Variants in ZFR2 observed in about 807,000 individuals in gnomAD.
ZFR2 encodes the protein zinc finger RNA binding protein 2, also known as zinc finger RNA-binding protein 2.
A neutral mutation model predicts 105.7 loss-of-function variants in ZFR2; 104 were observed. The observed-to-expected ratio is 0.98, with a 90% CI of 0.84 to 1.16. The LOEUF (loss-of-function observed/expected upper bound fraction) is 1.16, where lower values mean the gene tolerates loss of function less well. Ranked by LOEUF, ZFR2 falls within the 50% of genes most tolerant of loss-of-function variation. The pLI, the probability that ZFR2 is intolerant of heterozygous loss-of-function variation, is 0.00. For synonymous variants in ZFR2, 634 were observed against 597.7 expected, an observed-to-expected ratio of 1.06 and a Z score of -0.89; for missense variants, 1,425 against 1,355.5, an observed-to-expected ratio of 1.05 and a Z score of -0.80.
At chr19:3,818,945 A>G (rs909096786) in intron 12 of ZFR2, 100 bp downstream of exon 12, 3 of 1,427,832 alleles carry the variant, frequency 2.1e-6, no homozygotes, top group Middle Eastern at 2.6e-4. Flanking sequence ...CGACGGCTCC[A>G]GGCCCATCAG....
intron 1 of ZFR2, among the ~76,000 whole-genome samples, chr19:3,844,013 T>TGG (rs778178853): frequency 0.09 from 3,082 of 34,304 alleles, 139 homozygotes; most frequent in South Asian, 0.2. Context: ...AAGTAGGATG[T>TGG]GGGGGGGGGG....
chr19:3,826,225 C>A (rs577418749), intron 6 of ZFR2, among the ~76,000 whole-genome samples: 4 of 152,246 alleles, frequency 2.6e-5, no homozygotes, highest in South Asian at 2.1e-4. Context: ...TGGGTTCACA[C>A]GGGCCCTCAG....
In ZFR2 at chr19:3,820,242, G is replaced by A. The variant is rs977125037; in HGVS notation, c.1680C>T (p.Pro560=). ...CCATGAGCAGAGGCTGGGCCCAGTC[G>A]GGCGGCGCGTGGGGCGGCACGTCCT... ...PPQDVPPHAP[P]DWAQPLLMGR... Residue 560 remains proline, a synonymous_variant, in exon 11 of 19, where the codon CCC becomes CCT. Coordinates refer to ENST00000262961, the MANE Select transcript of ZFR2 (RefSeq NM_015174.2). 28 of 1,549,518 alleles carry A rather than the reference G, an allele frequency of 1.8e-5. No individual in the cohort carries two copies. The African/African-American group carries it at 2.6e-4, about 14-fold the overall frequency.
At position 3,823,444 on chromosome 19, in the gene ZFR2, G is replaced by A; in HGVS notation, c.1214-41C>T. Reference sequence around the variant, plus strand: ...ATGTCACTTATACCCTGTTCCAGGAGAAAGCACTGCAGCTGCAGACCCGCC... The same window carrying A: ...ATGTCACTTATACCCTGTTCCAGGAAAAAGCACTGCAGCTGCAGACCCGCC... On this transcript the variant is annotated intron_variant, in intron 7 of 18. Coordinates refer to ENST00000262961, the MANE Select transcript of ZFR2 (RefSeq NM_015174.2). This position sits in a 1 kb window ranked among gnomAD's most constrained non-coding sequence, Gnocchi z 5.4. The A allele has an allele frequency of 1.3e-6, 2 of 1,540,916 alleles. No individual in the cohort carries two copies. Among genetic ancestry groups the A allele is most frequent in the Non-Finnish European group, 1.7e-6 (2 of 1,145,000 alleles).
chr19:3,861,235 G>C (rs2038370116), intron 1 of ZFR2, among the ~76,000 whole-genome samples: 2 of 152,140 alleles, frequency 1.3e-5, no homozygotes, highest in African/African-American at 4.8e-5. Flanking sequence ...AAAAAAACCT[G>C]CCCAAAGCAA....
At chr19:3,816,901 A>C in intron 12 of ZFR2, 56 bp from the exon 13 acceptor site, 1 of 1,478,890 alleles carries the variant, frequency 6.8e-7, no homozygotes, top group Non-Finnish European at 9.1e-7. Context: ...GGGGTACCCC[A>C]GCTGCCTCCC....
At chr19:3,833,126 G>A (rs1163936891) in intron 3 of ZFR2, among the ~76,000 whole-genome samples, 1 of 151,842 alleles carries the variant, frequency 6.6e-6, no homozygotes, top group Non-Finnish European at 1.5e-5. Context: ...GCGCGTGCCT[G>A]CAGTCCCAGC....
In ZFR2 at chr19:3,831,363, C is replaced by T; in HGVS notation, c.792G>A (p.Gly264=). The change falls in exon 5 of 19, where the codon GGG becomes GGA. Residue 264 remains glycine, a synonymous_variant. Coordinates refer to ENST00000262961, the MANE Select transcript of ZFR2 (RefSeq NM_015174.2). ...AGTAGTGAAGCTGGAGCTGCCTGGG[C>T]CCCGCCTTGGGTCTCGGCAGCTTGC... The part of the protein sequence containing the change: ...LPSKLPRPKA[G]PRQLQLHYCD... 2 of 1,556,862 alleles carry T rather than the reference C, an allele frequency of 1.3e-6. No individual in the cohort carries two copies. The highest frequency in any genetic ancestry group is 1.7e-6 in the Non-Finnish European group (2 of 1,152,394).
rs900868933 is a variant in ZFR2 at position 3,829,482 on chromosome 19, TTTG to T, written c.852+1818_852+1820del. Among the ~76,000 whole-genome samples the T allele has an allele frequency of 5.1e-4, 77 of 149,662 alleles. 1 individual carries two copies. The highest frequency in any genetic ancestry group is 6.5e-4 in the Non-Finnish European group (44 of 67,470). On this transcript the variant is annotated intron_variant, in intron 5 of 18. Coordinates refer to ENST00000262961, the MANE Select transcript of ZFR2 (RefSeq NM_015174.2). ...TGTGTGTGTGTGTGTGTGTGTGTGT[TTTG>T]TTGTTGTTGTTGTTGTTGGTTTTTG...
chr19:3,860,536 G>A (rs1277606290), intron 1 of ZFR2, among the ~76,000 whole-genome samples: 1 of 152,176 alleles, frequency 6.6e-6, no homozygotes, highest in Non-Finnish European at 1.5e-5. Context: ...AGGTTATGCG[G>A]CAGTGGGACT....
chr19:3,809,414 G>A (rs757590599), intron 16 of ZFR2, among the ~76,000 whole-genome samples: 2 of 152,132 alleles, frequency 1.3e-5, no homozygotes, highest in Non-Finnish European at 2.9e-5. Flanking sequence ...CAGCTGAGGG[G>A]AAGGAGCCAC....
rs1041333793 is a variant in ZFR2, at chr19:3,820,063, C to A, written c.1740+119G>T. ...GAGTGAGGAGGCCTGGGCCATGGAG[C>A]CCCATCCCCTGAGTACTATGTGGGA... On this transcript the variant is annotated intron_variant, in intron 11 of 18. Coordinates refer to ENST00000262961, the MANE Select transcript of ZFR2 (RefSeq NM_015174.2). The A allele has an allele frequency of 3.1e-5, 31 of 989,020 alleles. No individual in the cohort carries two copies. The East Asian group carries it at 7.4e-4, about 23-fold the overall frequency. 61.3% of individuals were successfully genotyped at this position (989,020 alleles called of 1,614,324 possible).
intron 1 of ZFR2, among the ~76,000 whole-genome samples, chr19:3,841,542 C>T (rs1008523171): frequency 2.6e-5 from 4 of 151,884 alleles, no homozygotes; most frequent in African/African-American, 9.7e-5. Context: ...AAAAAATTAG[C>T]CGGGTGTGGT....
At position 3,823,640 on chromosome 19, in the gene ZFR2, G is replaced by T. The variant is rs2037919087; in HGVS notation, c.1214-237C>A. Among the ~76,000 whole-genome samples, 1 of 152,278 alleles carries T rather than the reference G, an allele frequency of 6.6e-6. No individual in the cohort carries two copies. Among genetic ancestry groups the T allele is most frequent in the East Asian group, 1.9e-4 (1 of 5,172 alleles). ...TCAATCCATCCGGGGAGAAGCCCTG[G>T]TTTTAGGCCCTCGCTTGAGGAACCC... On this transcript the variant is annotated intron_variant, in intron 7 of 18. Transcript: ENST00000262961. The surrounding 1 kb of genome is among the most constrained non-coding windows in gnomAD (Gnocchi z 5.4).
At position 3,805,932 on chromosome 19, in the gene ZFR2, T is replaced by G. The variant is rs1276366048; in HGVS notation, c.*17A>C. ...GTGCAGGGATGCAAAGGCCCGCAGG[T>G]GGGGGAGGTAGGCGGCTCACACGAG... On this transcript the variant is annotated 3_prime_UTR_variant, in exon 19 of 19. Coordinates refer to ENST00000262961, the MANE Select transcript of ZFR2 (RefSeq NM_015174.2). The G allele has an allele frequency of 9.2e-6, 14 of 1,518,700 alleles. No homozygotes were observed. The highest frequency in any genetic ancestry group is 1.1e-5 in the Non-Finnish European group (13 of 1,137,372). The allele number at this position is 1,518,700 out of a possible 1,614,324, so 94.1% of individuals were successfully genotyped here.
At chr19:3,810,884 A>C in intron 15 of ZFR2, 39 bp from the exon 16 acceptor site, 327 of 1,541,392 alleles carry the variant, frequency 2.1e-4, no homozygotes, top group Non-Finnish European at 2.6e-4. Flanking sequence ...TCAGGGGCTC[A>C]CGTGGCCACA....
At chr19:3,843,708 G>A (rs537616409) in intron 1 of ZFR2, among the ~76,000 whole-genome samples, 36 of 151,716 alleles carry the variant, frequency 2.4e-4, no homozygotes, top group African/African-American at 6.8e-4. Flanking sequence ...GGTGGCGGGC[G>A]CCTGTAGTCC....
At chr19:3,833,906 T>G in intron 2 of ZFR2, 128 bp from the exon 3 acceptor site, 2 of 684,380 alleles carry the variant, frequency 2.9e-6, no homozygotes, top group East Asian at 3.2e-5. Flanking sequence ...CCTAAGCGTC[T>G]GCCCAGGACC....
At chr19:3,863,388 A>G (rs575760978) in intron 1 of ZFR2, among the ~76,000 whole-genome samples, 1 of 152,142 alleles carries the variant, frequency 6.6e-6, no homozygotes, top group Admixed American at 6.5e-5. Flanking sequence ...ACACGGGGCC[A>G]TGTGCTGTCT....
Sources: allele counts gnomAD v4.1 joint callset (sites outside exome capture counted in the v4.1 genomes callset), GRCh38; gene constraint gnomAD v4.1.1; non-coding constraint Gnocchi (gnomAD v3.1); transcripts MANE v1.5; gene names NCBI Gene and HGNC (gene_info 2026-07-23, HGNC 2026-07-21).